Variants in HDAC6 observed in about 807,000 individuals in gnomAD.
HDAC6 encodes histone deacetylase 6.
A neutral mutation model predicts 88.9 loss-of-function variants in HDAC6; 5 were observed. The ratio of observed to expected loss-of-function variants is 0.06; its 90% CI spans 0.03 to 0.12. HDAC6 has a LOEUF of 0.12. HDAC6 is among the 10% of genes least tolerant of loss of function. The pLI, the probability that HDAC6 is intolerant of heterozygous loss-of-function variation, is 1.00. For synonymous variants in HDAC6, 378 were observed against 398.0 expected (o/e 0.95, Z 0.60); for missense variants, 706 against 1,014.4 (o/e 0.70, Z 4.13).
At chrX:48,812,079 A>G (rs2062911201) in intron 10 of HDAC6, among the ~76,000 whole-genome samples, 4 of 112,691 alleles carry the variant, frequency 3.5e-5, no homozygotes, top group South Asian at 3.6e-4. Flanking sequence ...TAATCTGCCA[A>G]GGGTCTGTCA....
chrX:48,806,624 G>T lies in HDAC6; in HGVS notation c.550G>T (p.Ala184Ser), dbSNP rs781813174. 1.7e-6 allele frequency: 2 copies of T among 1,205,576 alleles called. No homozygotes were observed. Among genetic ancestry groups the T allele is most frequent in the Admixed American group, 4.4e-5 (2 of 45,724 alleles). ...GTCTCTCCAGAACTCATACTCCTGT[G>T]CCTGCCTGGCCTCAGGCTCTGTCCT... is the stretch of plus-strand genomic sequence containing the variant. ...VYLHPNSYSC[A>S]CLASGSVLRL... Residue 184 changes from alanine (A) to serine (S), a missense_variant, in exon 8 of 29, where the codon GCC becomes TCC. By Grantham distance (99) the Ala-to-Ser change is moderately conservative. Coordinates refer to ENST00000334136, the MANE Select transcript of HDAC6 (RefSeq NM_006044.4).
chrX:48,801,663 G>T (rs2062728601), upstream of HDAC6: 2 of 268,456 alleles, frequency 7.5e-6, no homozygotes, highest in South Asian at 7.2e-5. Flanking sequence ...CCGACGCACC[G>T]CCCCGTCGCC....
chrX:48,802,018 A>G, upstream of HDAC6: 2 of 949,495 alleles, frequency 2.1e-6, no homozygotes, highest in Non-Finnish European at 2.7e-6. Flanking sequence ...GACTGGCTGA[A>G]GAGGGTTAGC....
At chrX:48,807,264 T>A (rs984301144) in intron 8 of HDAC6, among the ~76,000 whole-genome samples, 1 of 112,342 alleles carries the variant, frequency 8.9e-6, no homozygotes, top group Non-Finnish European at 1.9e-5. Flanking sequence ...TAGAACACCA[T>A]TGTGTAAATG....
In HDAC6 at chrX:48,822,703, C is replaced by T; in HGVS notation, c.2421C>T (p.Thr807=). 1 of 1,209,973 alleles carries T rather than the reference C, an allele frequency of 8.3e-7. No homozygotes were observed. The highest frequency in any genetic ancestry group is 2.2e-5 in the Admixed American group (1 of 45,949). The part of the protein sequence containing the change: ...SLLGDPPPLL[T]LPRPPLSGAL... Reference sequence around the variant, plus strand: ...TTGGAGACCCACCACCCCTGCTGACCCTGCCACGGCCCCCACTATCAGGGG... The same window carrying T: ...TTGGAGACCCACCACCCCTGCTGACTCTGCCACGGCCCCCACTATCAGGGG... The change falls in exon 24 of 29, where the codon ACC becomes ACT. Residue 807 remains threonine (T), a synonymous_variant. Transcript: ENST00000334136.
chrX:48,802,343 C>T, intron 1 of HDAC6: 2 of 880,012 alleles, frequency 2.3e-6, no homozygotes, highest in South Asian at 6.1e-5. Flanking sequence ...GTAGAAGGGG[C>T]GGTGATTGGT....
upstream of HDAC6, chrX:48,801,568 G>A (rs923494502): frequency 3.4e-5 from 7 of 204,153 alleles, no homozygotes; most frequent in South Asian, 3.7e-4. Context: ...CGATAGCCGA[G>A]GCAAGAAAAA....
upstream of HDAC6, chrX:48,801,786 C>A (rs1487189298): frequency 2.2e-6 from 2 of 903,517 alleles, no homozygotes; most frequent in Non-Finnish European, 2.9e-6. Flanking sequence ...CCTTGAGGCA[C>A]GGTCCCCTCT....
chrX:48,824,784 G>A lies in HDAC6; in HGVS notation c.*172G>A, dbSNP rs1355171963. ...GTGTTAATACTTTTAAGAGAACTGC[G>A]ACGATTAATTGTGGATCTCCCCCTG... On this transcript the variant is annotated 3_prime_UTR_variant, in exon 29 of 29. Transcript: ENST00000334136. The A allele has an allele frequency of 4.1e-5, 45 of 1,099,731 alleles. No homozygotes were observed. Among genetic ancestry groups the A allele is most frequent in the Non-Finnish European group, 5.3e-5 (45 of 845,159 alleles). 90.6% of individuals were successfully genotyped at this position (1,099,731 alleles called of 1,213,427 possible).
chrX:48,806,271 G>C, intron 6 of HDAC6, 97 bp from the exon 7 acceptor site: 1 of 539,339 alleles, frequency 1.9e-6, no homozygotes, highest in East Asian at 3.4e-5. Context: ...TTGACAGTTG[G>C]GGGAGCCAAG....
At chrX:48,818,556 G>A in intron 22 of HDAC6, 144 bp downstream of exon 22, 1 of 470,652 alleles carries the variant, frequency 2.1e-6, no homozygotes, top group Non-Finnish European at 3.5e-6. Context: ...AGGCTACCAG[G>A]GCAGTTGGTG....
At chrX:48,820,705 C>G (rs936468245) in intron 23 of HDAC6, among the ~76,000 whole-genome samples, 6 of 112,273 alleles carry the variant, frequency 5.3e-5, no homozygotes, top group Admixed American at 1.9e-4. Flanking sequence ...ATTCACTGAC[C>G]TTTGTAAATG....
chrX:48,824,337 C>CCA, intron 28 of HDAC6, 43 bp downstream of exon 28: 5 of 1,182,476 alleles, frequency 4.2e-6, no homozygotes, highest in Non-Finnish European at 5.7e-6. Flanking sequence ...CACTCACCCC[C>CCA]CACACACACA....
At position 48,824,787 on chromosome X, in the gene HDAC6, G is replaced by A. The variant is rs1422719638; in HGVS notation, c.*175G>A. 19 of 1,098,911 alleles carry A rather than the reference G, an allele frequency of 1.7e-5. No homozygotes were observed. The highest frequency in any genetic ancestry group is 1.6e-4 in the Admixed American group (5 of 30,969). 90.6% of individuals were successfully genotyped at this position (1,098,911 alleles called of 1,213,427 possible). On this transcript the variant is annotated 3_prime_UTR_variant, in exon 29 of 29. Coordinates refer to ENST00000334136, the MANE Select transcript of HDAC6 (RefSeq NM_006044.4). ...TTAATACTTTTAAGAGAACTGCGAC[G>A]ATTAATTGTGGATCTCCCCCTGCCC...
At chrX:48,814,145 C>T in intron 10 of HDAC6, 1 of 297,603 alleles carries the variant, frequency 3.4e-6, no homozygotes, top group South Asian at 4.4e-5. Context: ...GCGATGTTTG[C>T]TGAGGGAGAG....
At chrX:48,804,435 A>G (rs1338074019) in intron 4 of HDAC6, among the ~76,000 whole-genome samples, 1 of 111,757 alleles carries the variant, frequency 8.9e-6, no homozygotes, top group East Asian at 2.8e-4. Flanking sequence ...TCACATCCCA[A>G]TGAGACTTTC....
downstream of HDAC6, chrX:48,824,978 C>T (rs1557032038): frequency 4.0e-6 from 4 of 994,500 alleles, no homozygotes; most frequent in Non-Finnish European, 5.2e-6. Context: ...GTTAAAAAAC[C>T]TGGAGAAAGC....
chrX:48,824,150 A>G lies in HDAC6; in HGVS notation c.3451-16A>G. On this transcript the variant is annotated splice_polypyrimidine_tract_variant and intron_variant, in intron 27 of 28. Transcript: ENST00000334136. ...GGATGCTGACCCCCACCTGACACTC[A>G]CACCCCCAACCTCAGGTCTACTGTG... The G allele has an allele frequency of 8.3e-7, 1 of 1,207,006 alleles. No homozygotes were observed. The highest frequency in any genetic ancestry group is 1.1e-6 in the Non-Finnish European group (1 of 892,766).
intron 8 of HDAC6, among the ~76,000 whole-genome samples, chrX:48,807,511 TTTTA>T (rs1195411499): frequency 8.9e-6 from 1 of 112,388 alleles, no homozygotes; most frequent in African/African-American, 3.2e-5. Context: ...TTATTTTTAT[TTTTA>T]TTTATTTATT....
Sources: allele counts gnomAD v4.1 joint callset (sites outside exome capture counted in the v4.1 genomes callset), GRCh38; gene constraint gnomAD v4.1.1; transcripts MANE v1.5; gene names NCBI Gene and HGNC (gene_info 2026-07-23, HGNC 2026-07-21).